The following ZNF385D variants were observed in gnomAD, a reference collection of about 807,000 sequenced individuals.
The protein encoded by ZNF385D is zinc finger protein 385D.
Under a neutral mutation model 35.8 loss-of-function variants are expected in ZNF385D, and 15 were observed. That is an observed-to-expected ratio of 0.42 (90% CI 0.28 to 0.64). ZNF385D has a LOEUF of 0.64. Among genes scored for constraint, ZNF385D ranks in the 30% least tolerant of loss-of-function variants. ZNF385D has a pLI of 0.23. For synonymous variants in ZNF385D, 212 were observed against 186.8 expected, an observed-to-expected ratio of 1.13 and a Z score of -1.10; for missense variants, 474 against 494.6, an observed-to-expected ratio of 0.96 and a Z score of 0.39.
rs560337987 is a variant in ZNF385D at position 21,573,072 on chromosome 3, C to T, written c.166-8388G>A. 2.4e-4 allele frequency among the ~76,000 whole-genome samples: 36 copies of T among 152,168 alleles called. No homozygotes were observed. In the East Asian group the frequency reaches 3.9e-3, roughly 16 times the overall value. On this transcript the variant is annotated intron_variant, in intron 2 of 7. Coordinates refer to ENST00000281523, the MANE Select transcript of ZNF385D (RefSeq NM_024697.3). ...GATTTAAATTCAAGAAATCTAACTCCGCAGTCTGTACTCTTAACCATCACA... is the reference window on the plus strand; with the variant it reads ...GATTTAAATTCAAGAAATCTAACTCTGCAGTCTGTACTCTTAACCATCACA...
At chr3:22,299,272 A>C (rs1356152437) in intron 2 of ZNF385D, among the ~76,000 whole-genome samples, 1 of 151,892 alleles carries the variant, frequency 6.6e-6, no homozygotes, top group Non-Finnish European at 1.5e-5. Context: ...TAGGTATACC[A>C]ATTGAACAAA....
chr3:22,173,381 T>C (rs771086383), intron 2 of ZNF385D, among the ~76,000 whole-genome samples: 50 of 152,136 alleles, frequency 3.3e-4, no homozygotes, highest in Non-Finnish European at 5.7e-4. Context: ...ACAAAAGATA[T>C]CGACAATAGA....
intron 3 of ZNF385D, chr3:21,877,807 T>C (rs1404801265): frequency 6.6e-6 from 1 of 152,046 alleles, no homozygotes. Flanking sequence ...TACCTGCTTG[T>C]AGAGATATCT....
At chr3:21,486,873 A>G (rs2125394821) in intron 4 of ZNF385D, among the ~76,000 whole-genome samples, 1 of 152,222 alleles carries the variant, frequency 6.6e-6, no homozygotes, top group East Asian at 1.9e-4. Context: ...TATTCATATC[A>G]TACTTTTTTT....
At chr3:21,875,768 T>C (rs149563267) in intron 3 of ZNF385D, among the ~76,000 whole-genome samples, 3 of 152,230 alleles carry the variant, frequency 2.0e-5, no homozygotes, top group Non-Finnish European at 4.4e-5. Flanking sequence ...ACCACTGTTG[T>C]CATCTTCATT....
At chr3:21,911,204 G>A (rs1292795707) in intron 3 of ZNF385D, among the ~76,000 whole-genome samples, 1 of 151,932 alleles carries the variant, frequency 6.6e-6, no homozygotes, top group Non-Finnish European at 1.5e-5. Flanking sequence ...CATAGCACAA[G>A]TAATTGCTAC....
intron 3 of ZNF385D, among the ~76,000 whole-genome samples, chr3:21,953,512 A>C (rs2125302879): frequency 6.6e-6 from 1 of 152,172 alleles, no homozygotes; most frequent in South Asian, 2.1e-4. Context: ...CTTCTAAGAA[A>C]AGTTTTATCA....
chr3:22,287,228 T>A (rs1702071960), intron 2 of ZNF385D, among the ~76,000 whole-genome samples: 1 of 151,988 alleles, frequency 6.6e-6, no homozygotes, highest in African/African-American at 2.4e-5. Context: ...AGGATATATT[T>A]TTTCACCCAT....
At chr3:21,542,618 G>A (rs1185926834) in intron 3 of ZNF385D, among the ~76,000 whole-genome samples, 1 of 152,046 alleles carries the variant, frequency 6.6e-6, no homozygotes, top group Non-Finnish European at 1.5e-5. Context: ...CAAGCACTGG[G>A]ATTACAGGTG....
chr3:22,076,590 A>G (rs950297153), intron 3 of ZNF385D, among the ~76,000 whole-genome samples: 2 of 151,900 alleles, frequency 1.3e-5, no homozygotes, highest in Non-Finnish European at 2.9e-5. Flanking sequence ...GTAATTGTTT[A>G]TGTTTCCTAG....
At chr3:22,266,304 T>G (rs971498528) in intron 2 of ZNF385D, among the ~76,000 whole-genome samples, 3 of 152,042 alleles carry the variant, frequency 2.0e-5, no homozygotes, top group South Asian at 2.1e-4. Context: ...GCAAGATACC[T>G]ATGTTCACTC....
intron 3 of ZNF385D, among the ~76,000 whole-genome samples, chr3:21,910,981 T>G (rs933902426): frequency 2.0e-5 from 3 of 152,008 alleles, no homozygotes; most frequent in African/African-American, 7.2e-5. Flanking sequence ...CATAGTATTT[T>G]CTAAAATCCC....
At chr3:21,427,182 G>T (rs979177375) in intron 5 of ZNF385D, among the ~76,000 whole-genome samples, 1 of 152,144 alleles carries the variant, frequency 6.6e-6, no homozygotes, top group Non-Finnish European at 1.5e-5. Flanking sequence ...GATGACATAA[G>T]TGGGAGGAGG....
Position 21,462,811 on chromosome 3 carries a change from G to A in ZNF385D, c.440-25608C>T, listed in dbSNP as rs542977514. On this transcript the variant is annotated intron_variant, in intron 4 of 7. Transcript: ENST00000281523. ...AGCCTGGCCAACATGGTGAAACCCC[G>A]TCTCTACTAAATATATAAAAATTAG... Among the ~76,000 whole-genome samples, 356 of 152,052 alleles carry A rather than the reference G, an allele frequency of 2.3e-3. 3 individuals are homozygous for A. The highest frequency in any genetic ancestry group is 8.3e-3 in the African/African-American group (345 of 41,486).
At chr3:21,967,754 G>A (rs1312799934) in intron 3 of ZNF385D, among the ~76,000 whole-genome samples, 1 of 152,208 alleles carries the variant, frequency 6.6e-6, no homozygotes, top group African/African-American at 2.4e-5. Flanking sequence ...GGACTTGAGT[G>A]ACCAAAATTC....
chr3:21,926,746 A>G (rs1278868493), intron 3 of ZNF385D, among the ~76,000 whole-genome samples: 2 of 152,222 alleles, frequency 1.3e-5, no homozygotes, highest in Non-Finnish European at 2.9e-5. Context: ...ATGGGCAAAG[A>G]CTTCATGACT....
intron 1 of ZNF385D, among the ~76,000 whole-genome samples, chr3:21,682,953 C>G (rs2066965137): frequency 6.7e-6 from 1 of 149,834 alleles, no homozygotes; most frequent in Admixed American, 6.7e-5. Flanking sequence ...TGACCCTGGT[C>G]CAGAGAGCAC....
intron 3 of ZNF385D, among the ~76,000 whole-genome samples, chr3:21,775,097 G>A (rs6798138): frequency 0.081 from 12,331 of 151,838 alleles, 807 homozygotes; most frequent in East Asian, 0.33. Context: ...GAGAGTGTAA[G>A]CCAGCTCCAT....
chr3:22,034,873 A>G (rs1698216713), intron 3 of ZNF385D, among the ~76,000 whole-genome samples: 1 of 152,210 alleles, frequency 6.6e-6, no homozygotes, highest in Non-Finnish European at 1.5e-5. Flanking sequence ...TTTAATAAAA[A>G]ATATCTAAAA....
Sources: gnomAD v4.1 joint callset for allele counts (sites outside exome capture counted in the v4.1 genomes callset) on GRCh38, gnomAD v4.1.1 for gene constraint, MANE v1.5 for transcripts, NCBI Gene and HGNC (gene_info 2026-07-23, HGNC 2026-07-21) for gene names.